The following MALRD1 variants were observed in gnomAD, a reference collection of about 807,000 sequenced individuals.
MALRD1 encodes the protein MAM and LDL receptor class A domain containing 1.
MALRD1 carries 247 observed loss-of-function variants against 242.1 expected under a neutral mutation model. That is an observed-to-expected ratio of 1.02 (90% CI 0.92 to 1.13). MALRD1 has a LOEUF of 1.13. MALRD1 is among the 50% of genes most tolerant of loss of function. The pLI, the probability that MALRD1 is intolerant of heterozygous loss-of-function variation, is 0.00. For missense variants in MALRD1, 2,989 were observed against 2,533.1 expected, an observed-to-expected ratio of 1.18 and a Z score of -3.86; for synonymous variants, 995 against 866.6, an observed-to-expected ratio of 1.15 and a Z score of -2.60.
At chr10:19,104,966 G>C (rs1257468038) in intron 5 of MALRD1, among the ~76,000 whole-genome samples, 1 of 152,062 alleles carries the variant, frequency 6.6e-6, no homozygotes, top group East Asian at 1.9e-4. Context: ...ATTGTGTAAT[G>C]ATTAAATCAG....
chr10:19,159,791 A>G (rs1834319653), intron 12 of MALRD1, among the ~76,000 whole-genome samples: 1 of 151,930 alleles, frequency 6.6e-6, no homozygotes, highest in Non-Finnish European at 1.5e-5. Context: ...TAAGACTGTC[A>G]CCCCCTCTCC....
At chr10:19,617,704 A>G (rs1324339096) in intron 36 of MALRD1, among the ~76,000 whole-genome samples, 1 of 152,014 alleles carries the variant, frequency 6.6e-6, no homozygotes, top group African/African-American at 2.4e-5. Context: ...TTTTCTTTAC[A>G]CAAGCACACA....
At chr10:19,351,405 A>G (rs1003998264) in intron 25 of MALRD1, among the ~76,000 whole-genome samples, 20 of 152,128 alleles carry the variant, frequency 1.3e-4, no homozygotes, top group African/African-American at 4.3e-4. Flanking sequence ...TTACTCAAAG[A>G]AAAGCTCCGT....
chr10:19,049,532 A>G (rs1834423220), intron 1 of MALRD1, among the ~76,000 whole-genome samples: 1 of 152,186 alleles, frequency 6.6e-6, no homozygotes, highest in Admixed American at 6.5e-5. Context: ...AATGAATTTT[A>G]GATTGGTTGG....
At chr10:19,592,384 C>A (rs1259895333) in intron 33 of MALRD1, among the ~76,000 whole-genome samples, 3 of 152,212 alleles carry the variant, frequency 2.0e-5, no homozygotes, top group Non-Finnish European at 4.4e-5. Context: ...AGGGCCTGGG[C>A]CATCTTATCT....
At chr10:19,476,318 T>C (rs1208516548) in intron 29 of MALRD1, among the ~76,000 whole-genome samples, 1 of 152,202 alleles carries the variant, frequency 6.6e-6, no homozygotes, top group East Asian at 1.9e-4. Flanking sequence ...TGATCAGTTG[T>C]CTATCCTTAG....
At chr10:19,307,989 G>T (rs1009086181) in intron 21 of MALRD1, among the ~76,000 whole-genome samples, 1 of 151,372 alleles carries the variant, frequency 6.6e-6, no homozygotes, top group Admixed American at 6.6e-5. Flanking sequence ...ATAGAGAATG[G>T]GGTATCCATT....
chr10:19,221,179 C>T (rs1330479154), intron 18 of MALRD1, among the ~76,000 whole-genome samples: 1 of 151,986 alleles, frequency 6.6e-6, no homozygotes, highest in Non-Finnish European at 1.5e-5. Context: ...GTCTTAAATC[C>T]TAAATGGTAC....
At chr10:19,682,032 T>C (rs1367178042) in intron 36 of MALRD1, among the ~76,000 whole-genome samples, 1 of 152,128 alleles carries the variant, frequency 6.6e-6, no homozygotes. Context: ...GGAATAACTA[T>C]ATCTCTGTGT....
At chr10:19,688,073 A>G (rs937675104) in intron 36 of MALRD1, among the ~76,000 whole-genome samples, 3 of 152,012 alleles carry the variant, frequency 2.0e-5, no homozygotes, top group South Asian at 2.1e-4. Context: ...AGGTTCAAGC[A>G]GTTCTCCTGC....
intron 5 of MALRD1, among the ~76,000 whole-genome samples, chr10:19,105,481 T>A (rs893106598): frequency 6.6e-6 from 1 of 152,026 alleles, no homozygotes; most frequent in Admixed American, 6.5e-5. Context: ...AACATGGGAA[T>A]GCAAAAATCT....
intron 29 of MALRD1, among the ~76,000 whole-genome samples, chr10:19,465,521 T>A (rs1240801169): frequency 6.6e-6 from 1 of 152,160 alleles, no homozygotes; most frequent in African/African-American, 2.4e-5. Context: ...TGTTTGATTC[T>A]CTGGAGTCTT....
At chr10:19,267,380 A>G (rs1840013895) in intron 19 of MALRD1, among the ~76,000 whole-genome samples, 1 of 152,048 alleles carries the variant, frequency 6.6e-6, no homozygotes, top group Non-Finnish European at 1.5e-5. Context: ...TATTTTAAGG[A>G]TGCTTAACAT....
At chr10:19,175,177 T>A (rs1835178067) in intron 13 of MALRD1, 31 bp from the exon 14 acceptor site, 1 of 1,219,482 alleles carries the variant, frequency 8.2e-7, no homozygotes, top group African/African-American at 1.6e-5. Context: ...TGTGATGTGT[T>A]TTTAACAGTT....
chr10:19,426,167 A>C (rs906196029), intron 28 of MALRD1, among the ~76,000 whole-genome samples: 2 of 152,140 alleles, frequency 1.3e-5, no homozygotes, highest in Admixed American at 1.3e-4. Context: ...TAAATCCTTG[A>C]TTTCCAATCC....
At chr10:19,177,149 G>A (rs968216911) in intron 14 of MALRD1, among the ~76,000 whole-genome samples, 2 of 151,614 alleles carry the variant, frequency 1.3e-5, no homozygotes, top group Non-Finnish European at 2.9e-5. Flanking sequence ...GCATGGTGGC[G>A]GGCACCTGTA....
intron 29 of MALRD1, among the ~76,000 whole-genome samples, chr10:19,465,095 T>A (rs556061098): frequency 2.4e-4 from 36 of 152,232 alleles, no homozygotes; most frequent in Middle Eastern, 3.4e-3. Context: ...TTTATCAGTT[T>A]TAGGAGCTTT....
chr10:19,230,176 C>A (rs1166095128), intron 18 of MALRD1, among the ~76,000 whole-genome samples: 3 of 152,174 alleles, frequency 2.0e-5, no homozygotes, highest in African/African-American at 4.8e-5. Context: ...ATTCATTAAA[C>A]CTCTTTTTCT....
chr10:19,158,156 A>T (rs139323960), intron 12 of MALRD1, among the ~76,000 whole-genome samples: 1 of 152,322 alleles, frequency 6.6e-6, no homozygotes, highest in East Asian at 1.9e-4. Flanking sequence ...GTAAAGTATG[A>T]AGGGGATTAA....
Sources: gnomAD v4.1 joint callset for allele counts (sites outside exome capture counted in the v4.1 genomes callset) on GRCh38, gnomAD v4.1.1 for gene constraint, MANE v1.5 for transcripts, NCBI Gene and HGNC (gene_info 2026-07-23, HGNC 2026-07-21) for gene names.